Variants in SCN11A observed in about 807,000 individuals in gnomAD.
SCN11A encodes the protein sodium voltage-gated channel alpha subunit 11.
A neutral mutation model predicts 162.2 loss-of-function variants in SCN11A; 122 were observed. The observed-to-expected ratio is 0.75, with a 90% CI of 0.65 to 0.87. The LOEUF (loss-of-function observed/expected upper bound fraction) is 0.87, where lower values mean the gene tolerates loss of function less well. Ranked by LOEUF, SCN11A falls within the 40% of genes least tolerant of loss-of-function variation. The pLI is 0.00. For synonymous variants in SCN11A, 758 were observed against 751.5 expected, an observed-to-expected ratio of 1.01 and a Z score of -0.14; for missense variants, 2,015 against 2,181.6, an observed-to-expected ratio of 0.92 and a Z score of 1.52.
chr3:38,891,995 C>T (rs1289385272), intron 19 of SCN11A, among the ~76,000 whole-genome samples: 1 of 152,048 alleles, frequency 6.6e-6, no homozygotes, highest in East Asian at 1.9e-4. Context: ...AGTAAAAGTG[C>T]TGAAAGACAA....
chr3:39,038,741 T>C (rs2031967539), intron 1 of SCN11A, among the ~76,000 whole-genome samples: 1 of 152,194 alleles, frequency 6.6e-6, no homozygotes, highest in South Asian at 2.1e-4. Context: ...ATTCTGATAC[T>C]TATGGACTAA....
At chr3:39,004,676 T>C (rs950432924) in intron 2 of SCN11A, among the ~76,000 whole-genome samples, 4 of 152,192 alleles carry the variant, frequency 2.6e-5, no homozygotes, top group African/African-American at 9.6e-5. Flanking sequence ...TTTTTTCCCA[T>C]TTGTTTGTGT....
At chr3:38,898,342 T>G (rs1440885817) in intron 17 of SCN11A, among the ~76,000 whole-genome samples, 1 of 152,264 alleles carries the variant, frequency 6.6e-6, no homozygotes, top group Non-Finnish European at 1.5e-5. Context: ...AACATAGCCA[T>G]GCTCACTGGT....
chr3:39,030,541 A>C (rs2031721038), intron 2 of SCN11A, among the ~76,000 whole-genome samples: 1 of 152,224 alleles, frequency 6.6e-6, no homozygotes, highest in Admixed American at 6.5e-5. Flanking sequence ...AAGAATCTTA[A>C]CAGTAACTGA....
chr3:38,860,696 T>C (rs1055940832), intron 28 of SCN11A, among the ~76,000 whole-genome samples: 1 of 152,136 alleles, frequency 6.6e-6, no homozygotes, highest in Non-Finnish European at 1.5e-5. Flanking sequence ...AGCATCTCTT[T>C]ATGATAAAAC....
chr3:39,050,046 T>A (rs2032284829), intron 1 of SCN11A, among the ~76,000 whole-genome samples: 1 of 152,234 alleles, frequency 6.6e-6, no homozygotes. Flanking sequence ...ATTTTGCACA[T>A]CATAGGTGCT....
At chr3:38,979,275 T>G (rs1325993936) in intron 2 of SCN11A, among the ~76,000 whole-genome samples, 2 of 152,228 alleles carry the variant, frequency 1.3e-5, no homozygotes, top group Admixed American at 6.5e-5. Flanking sequence ...AGTAGTAAAG[T>G]GCAATTCCAT....
chr3:38,963,391 G>T (rs1363204657), intron 2 of SCN11A, among the ~76,000 whole-genome samples: 3 of 48,650 alleles, frequency 6.2e-5, no homozygotes, highest in African/African-American at 2.8e-4. Context: ...ATATATGATG[G>T]AGATATATAT....
At position 38,983,653 on chromosome 3, in the gene SCN11A, C is replaced by G. The variant is rs542470552; in HGVS notation, c.-279-23230G>C. The stretch of plus-strand genomic sequence containing the variant: ...TGACAACCTCTACCCCATAAGGGAG[C>G]TTGAAAGAAAATCCAAAAAAGAAAG... On this transcript the variant is annotated intron_variant, in intron 2 of 29. Coordinates refer to ENST00000302328, the MANE Select transcript of SCN11A (RefSeq NM_001349253.2). 8.9e-4 allele frequency among the ~76,000 whole-genome samples: 135 copies of G among 152,306 alleles called. 1 individual carries two copies. Among genetic ancestry groups the G allele is most frequent in the Non-Finnish European group, 4.0e-4 (27 of 68,028 alleles).
At chr3:39,009,434 A>G (rs2031068467) in intron 2 of SCN11A, among the ~76,000 whole-genome samples, 2 of 151,490 alleles carry the variant, frequency 1.3e-5, no homozygotes, top group South Asian at 2.1e-4. Flanking sequence ...ACATATATAT[A>G]TAAAGCTCTT....
chr3:39,022,011 A>T (rs1364570168), intron 2 of SCN11A, among the ~76,000 whole-genome samples: 10 of 151,800 alleles, frequency 6.6e-5, no homozygotes, highest in African/African-American at 1.7e-4. Context: ...CTTTCAAAAG[A>T]CTCCACCACA....
chr3:38,966,566 T>C (rs1028248946), intron 2 of SCN11A, among the ~76,000 whole-genome samples: 5 of 152,244 alleles, frequency 3.3e-5, no homozygotes, highest in African/African-American at 9.6e-5. Flanking sequence ...TCTGGGCCGG[T>C]ATCCATCACC....
chr3:38,977,386 C>A (rs1289234499), intron 2 of SCN11A, among the ~76,000 whole-genome samples: 1 of 152,218 alleles, frequency 6.6e-6, no homozygotes, highest in Non-Finnish European at 1.5e-5. Context: ...AATTCTATCA[C>A]CTGAACAAGT....
intron 2 of SCN11A, among the ~76,000 whole-genome samples, chr3:39,015,469 T>TGATC (rs527897668): frequency 8.9e-4 from 135 of 152,330 alleles, no homozygotes; most frequent in Non-Finnish European, 1.7e-3. Flanking sequence ...GGCCATAGGA[T>TGATC]GATCATCTTG....
intron 2 of SCN11A, among the ~76,000 whole-genome samples, chr3:38,999,822 T>C (rs1382345044): frequency 6.6e-6 from 1 of 152,208 alleles, no homozygotes; most frequent in Non-Finnish European, 1.5e-5. Flanking sequence ...CTTCCCAACT[T>C]ATAATTATAG....
At chr3:38,956,017 C>T (rs1450544688) in intron 3 of SCN11A, among the ~76,000 whole-genome samples, 1 of 152,078 alleles carries the variant, frequency 6.6e-6, no homozygotes, top group African/African-American at 2.4e-5. Flanking sequence ...GAGGCTGAGG[C>T]AGGCAGATCA....
At chr3:38,910,306 C>T in intron 11 of SCN11A, 99 bp from the exon 12 acceptor site, 2 of 1,198,014 alleles carry the variant, frequency 1.7e-6, no homozygotes, top group Non-Finnish European at 2.4e-6. Flanking sequence ...TGTGGGATCA[C>T]ACCAGGAGCC....
chr3:38,876,655 T>C (rs1040691569), intron 23 of SCN11A, among the ~76,000 whole-genome samples: 4 of 152,036 alleles, frequency 2.6e-5, no homozygotes, highest in African/African-American at 9.7e-5. Context: ...ATAACCACAA[T>C]GTGATACCAC....
intron 5 of SCN11A, among the ~76,000 whole-genome samples, chr3:38,949,113 G>C (rs937956322): frequency 2.6e-5 from 4 of 152,204 alleles, no homozygotes; most frequent in African/African-American, 7.2e-5. Context: ...GCCAGCCAAA[G>C]ATGCTCTCAG....
Sources: allele counts gnomAD v4.1 joint callset (sites outside exome capture counted in the v4.1 genomes callset), GRCh38; gene constraint gnomAD v4.1.1; transcripts MANE v1.5; gene names NCBI Gene and HGNC (gene_info 2026-07-23, HGNC 2026-07-21).